EPS15L1: variants seen among roughly 807,000 people sequenced by gnomAD.
EPS15L1 encodes the protein epidermal growth factor receptor substrate 15-like 1.
Under a neutral mutation model 117.1 loss-of-function variants are expected in EPS15L1, and 43 were observed. The observed-to-expected ratio is 0.37, with a 90% CI of 0.29 to 0.47. The LOEUF is 0.47. Among genes scored for constraint, EPS15L1 ranks in the 20% least tolerant of loss-of-function variants. The probability of loss-of-function intolerance (pLI) is 0.99; values close to 1 mark genes in which losing one functional copy is unlikely to be tolerated. For synonymous variants in EPS15L1, 459 were observed against 470.5 expected (o/e 0.98, Z 0.32); for missense variants, 981 against 1,164.0 (o/e 0.84, Z 2.29).
intron 23 of EPS15L1, among the ~76,000 whole-genome samples, chr19:16,358,572 GC>G (rs2144618676): frequency 6.6e-6 from 1 of 152,254 alleles, no homozygotes; most frequent in East Asian, 1.9e-4. Context: ...GCCGAGGCCT[GC>G]CCACTCAGGA....
In EPS15L1 at chr19:16,370,260, C is replaced by T. The variant is rs2092202743; in HGVS notation, c.2380+6862G>A. ...TTAGCAGTGGCAGGCAAGGGGCGCG[C>T]TGACTCAGGGCTTTGAATAGGAGAG... On this transcript the variant is annotated intron_variant, in intron 22 of 23. Transcript: ENST00000455140. This position sits in a 1 kb window ranked among gnomAD's most constrained non-coding sequence, Gnocchi z 5.2. Among the ~76,000 whole-genome samples, 1 of 152,118 alleles carries T rather than the reference C, an allele frequency of 6.6e-6. No individual in the cohort carries two copies. The highest frequency in any genetic ancestry group is 1.5e-5 in the Non-Finnish European group (1 of 68,010).
intron 1 of EPS15L1, among the ~76,000 whole-genome samples, chr19:16,453,707 C>T (rs2093168185): frequency 6.6e-6 from 1 of 150,758 alleles, no homozygotes. Context: ...AGCGAGACTC[C>T]ATCTCAAAAA....
intron 7 of EPS15L1, among the ~76,000 whole-genome samples, chr19:16,431,971 C>T (rs565008270): frequency 3.3e-5 from 5 of 152,116 alleles, no homozygotes; most frequent in South Asian, 2.1e-4. Flanking sequence ...AGTCGTGGGA[C>T]GTGAAACCCG....
intron 21 of EPS15L1, among the ~76,000 whole-genome samples, chr19:16,378,379 C>A (rs2092322382): frequency 6.6e-6 from 1 of 152,104 alleles, no homozygotes. Context: ...CTGACTCAGC[C>A]TCCTGTTTCC....
At chr19:16,440,612 T>G in intron 4 of EPS15L1, 1 of 266,856 alleles carries the variant, frequency 3.7e-6, no homozygotes. Flanking sequence ...TTTAATCACA[T>G]GTAAGGTTAC....
chr19:16,427,428 T>C (rs968102538), intron 8 of EPS15L1, among the ~76,000 whole-genome samples: 7 of 152,184 alleles, frequency 4.6e-5, no homozygotes, highest in Non-Finnish European at 7.3e-5. Flanking sequence ...AATCCAAAAA[T>C]CCAAAATCTG....
At chr19:16,448,680 A>G (rs2093110466) in intron 1 of EPS15L1, among the ~76,000 whole-genome samples, 1 of 151,860 alleles carries the variant, frequency 6.6e-6, no homozygotes, top group Non-Finnish European at 1.5e-5. Flanking sequence ...ATACAAAAAA[A>G]TTAGCTGGGT....
In EPS15L1 at chr19:16,418,000, TGAG is replaced by T. The variant is rs1487031348; in HGVS notation, c.1052_1054del (p.Pro351del). The stretch of plus-strand genomic sequence containing the variant: ...CGGGACCATGTCCGGCGAGAGGACT[TGAG>T]GAGGGTCGATGCCTTTACTGACCTT... On this transcript the variant is annotated inframe_deletion, in exon 11 of 24. Coordinates refer to ENST00000455140, the MANE Select transcript of EPS15L1 (RefSeq NM_001258374.3). 1 of 1,614,184 alleles carries T rather than the reference TGAG, an allele frequency of 6.2e-7. No homozygotes were observed. Among genetic ancestry groups the T allele is most frequent in the Non-Finnish European group, 8.5e-7 (1 of 1,180,038 alleles).
intron 5 of EPS15L1, among the ~76,000 whole-genome samples, chr19:16,437,561 G>A (rs920947974): frequency 2.6e-5 from 4 of 152,152 alleles, no homozygotes; most frequent in African/African-American, 9.7e-5. Context: ...CTAGACAGAG[G>A]TAATGAAGAC....
At chr19:16,419,184 G>T (rs1048943448) in intron 10 of EPS15L1, among the ~76,000 whole-genome samples, 2 of 152,234 alleles carry the variant, frequency 1.3e-5, no homozygotes, top group African/African-American at 4.8e-5. Context: ...CCAGGGCCGG[G>T]TGCAATGGCT....
chr19:16,428,377 CAAAA>C (rs1213684745), intron 8 of EPS15L1, among the ~76,000 whole-genome samples: 1 of 68,554 alleles, frequency 1.5e-5, no homozygotes, highest in African/African-American at 5.2e-5. Flanking sequence ...CATCTAAAAA[CAAAA>C]AAAAAAAGAA....
At chr19:16,434,566 G>C in intron 6 of EPS15L1, 76 bp from the exon 7 acceptor site, 27 of 1,521,434 alleles carry the variant, frequency 1.8e-5, no homozygotes, top group Non-Finnish European at 2.3e-5. Flanking sequence ...CTGACCGAAA[G>C]CCAAGTGAAA....
chr19:16,395,256 G>T, intron 17 of EPS15L1, 88 bp downstream of exon 17: 20 of 1,141,464 alleles, frequency 1.8e-5, no homozygotes, highest in Non-Finnish European at 2.4e-5. Flanking sequence ...ATTGTGGCAT[G>T]TCCTTACTTT....
At chr19:16,382,506 G>A (rs1490153037) in intron 21 of EPS15L1, among the ~76,000 whole-genome samples, 1 of 152,186 alleles carries the variant, frequency 6.6e-6, no homozygotes, top group Non-Finnish European at 1.5e-5. Flanking sequence ...TGAAGAACTG[G>A]TTCAAAACAG....
intron 1 of EPS15L1, among the ~76,000 whole-genome samples, chr19:16,452,004 T>C (rs1441541471): frequency 1.4e-5 from 2 of 148,130 alleles, no homozygotes; most frequent in Non-Finnish European, 3.0e-5. Flanking sequence ...CTGGGTGCGG[T>C]GGCGTGCACC....
intron 13 of EPS15L1, among the ~76,000 whole-genome samples, chr19:16,407,888 C>T (rs1164686595): frequency 6.6e-6 from 1 of 152,182 alleles, no homozygotes; most frequent in Non-Finnish European, 1.5e-5. Flanking sequence ...AGTGGAGACC[C>T]TGGGCCAGAA....
intron 16 of EPS15L1, among the ~76,000 whole-genome samples, chr19:16,395,728 GAGGTC>G (rs555514780): frequency 1.3e-5 from 2 of 152,168 alleles, no homozygotes; most frequent in Non-Finnish European, 2.9e-5. Context: ...TGGATCACCT[GAGGTC>G]AGGAGTTCAA....
intron 1 of EPS15L1, among the ~76,000 whole-genome samples, chr19:16,449,275 CA>C (rs531791982): frequency 6.8e-6 from 1 of 146,006 alleles, no homozygotes; most frequent in Non-Finnish European, 1.5e-5. Context: ...AACAAACAAA[CA>C]AAAAAACACG....
chr19:16,372,355 A>G (rs2092236921), intron 22 of EPS15L1, among the ~76,000 whole-genome samples: 1 of 152,220 alleles, frequency 6.6e-6, no homozygotes, highest in Admixed American at 6.5e-5. Context: ...ATTGACCTTT[A>G]AACAAAATAA....
Sources: gnomAD v4.1 joint callset for allele counts (sites outside exome capture counted in the v4.1 genomes callset) on GRCh38, gnomAD v4.1.1 for gene constraint, Gnocchi (gnomAD v3.1) non-coding constraint, MANE v1.5 for transcripts, NCBI Gene and HGNC (gene_info 2026-07-23, HGNC 2026-07-21) for gene names.